RUNDC3A: variants seen among roughly 807,000 people sequenced by gnomAD.
The protein encoded by RUNDC3A is RUN domain containing 3A, also known as RUN domain-containing protein 3A.
Under a neutral mutation model 53.9 loss-of-function variants are expected in RUNDC3A, and 28 were observed. The observed-to-expected ratio is 0.52, with a 90% CI of 0.38 to 0.71. The LOEUF (loss-of-function observed/expected upper bound fraction) is 0.71. RUNDC3A is among the 30% of genes least tolerant of loss of function. The probability of loss-of-function intolerance (pLI) is 0.00; values close to 1 mark genes in which losing one functional copy is unlikely to be tolerated. For missense variants in RUNDC3A, 491 were observed against 597.3 expected (o/e 0.82, Z 1.85); for synonymous variants, 232 against 249.4 (o/e 0.93, Z 0.66).
chr17:44,315,111 G>C lies in RUNDC3A; in HGVS notation c.630-44G>C. 6.3e-7 allele frequency: 1 copy of C among 1,599,124 alleles called. No individual in the cohort carries two copies. Among genetic ancestry groups the C allele is most frequent in the Non-Finnish European group, 8.5e-7 (1 of 1,172,586 alleles). On this transcript the variant is annotated intron_variant, in intron 6 of 10. Coordinates refer to ENST00000426726, the MANE Select transcript of RUNDC3A (RefSeq NM_001144825.2). The surrounding 1 kb of genome is among the most constrained non-coding windows in gnomAD (Gnocchi z 6.1). ...CTCAGCGGCCAGCGCAGACGCGCGG[G>C]GGGAGGGGCGGGACCGGCCGTGCCC... is the stretch of plus-strand genomic sequence containing the variant.
intron 4 of RUNDC3A, 60 bp from the exon 5 acceptor site, chr17:44,314,675 G>GC: frequency 7.7e-6 from 1 of 129,354 alleles, no homozygotes; most frequent in African/African-American, 1.3e-4. Flanking sequence ...TAGCAGCTCT[G>GC]GGGGGGGGGG....
intron 10 of RUNDC3A, chr17:44,317,079 C>T (rs1257182616): frequency 1.0e-5 from 4 of 390,440 alleles, no homozygotes; most frequent in Non-Finnish European, 1.4e-5. Flanking sequence ...CTCCTGACCT[C>T]AAGTGATTCA....
chr17:44,318,431 C>A lies in RUNDC3A; in HGVS notation c.*193C>A. 1 of 660,318 alleles carries A rather than the reference C, an allele frequency of 1.5e-6. No homozygotes were observed. Among genetic ancestry groups the A allele is most frequent in the Non-Finnish European group, 2.5e-6 (1 of 399,702 alleles). 40.9% of individuals were successfully genotyped at this position (660,318 alleles called of 1,614,324 possible). A position where few individuals can be genotyped will look rare whatever the true frequency, so the allele number is the denominator to read the frequency against. ...GCAGCACGGGCTGCGGAAGAAAGCA[C>A]GCTGGGCCAGGAGGCAGGGGTGCCC... is the stretch of plus-strand genomic sequence containing the variant. On this transcript the variant is annotated 3_prime_UTR_variant, in exon 11 of 11. Coordinates refer to ENST00000426726, the MANE Select transcript of RUNDC3A (RefSeq NM_001144825.2).
chr17:44,317,216 T>G (rs975798903), intron 10 of RUNDC3A: 2 of 577,658 alleles, frequency 3.5e-6, no homozygotes, highest in African/African-American at 3.7e-5. Context: ...ACACAGCATA[T>G]GCAGAACCCA....
rs114349681 is a variant in RUNDC3A, at chr17:44,310,858, G to C, written c.108-1722G>C. 7.4e-5 allele frequency: 73 copies of C among 985,298 alleles called. No homozygotes were observed. In the African/African-American group the frequency reaches 1.2e-3, roughly 17 times the overall value. The allele number at this position is 985,298 out of a possible 1,614,324, so 61.0% of individuals were successfully genotyped here. On this transcript the variant is annotated intron_variant, in intron 1 of 10. Transcript: ENST00000426726. Reference sequence around the variant, plus strand: ...GGAAATCAAGCTGGCAGGAGGGTGCGCATAGTGAAGCTGGAATAATGCCCC... The same window carrying C: ...GGAAATCAAGCTGGCAGGAGGGTGCCCATAGTGAAGCTGGAATAATGCCCC...
At chr17:44,310,270 A>C (rs1267469115) in intron 1 of RUNDC3A, among the ~76,000 whole-genome samples, 4 of 152,312 alleles carry the variant, frequency 2.6e-5, no homozygotes, top group Admixed American at 2.0e-4. Flanking sequence ...TGTCACAGCC[A>C]CACCAAAGAA....
At chr17:44,314,155 G>A (rs1243426959) in intron 4 of RUNDC3A, 2 of 992,374 alleles carry the variant, frequency 2.0e-6, no homozygotes, top group East Asian at 2.2e-4. Context: ...TCCAAACAAC[G>A]AAAGCAGTTC....
chr17:44,316,305 C>T, intron 8 of RUNDC3A, 80 bp from the exon 9 acceptor site: 1 of 1,378,266 alleles, frequency 7.3e-7, no homozygotes, highest in Non-Finnish European at 1.0e-6. Context: ...ATTCCTGACC[C>T]CTCCCTCATC....
At position 44,313,198 on chromosome 17, in the gene RUNDC3A, C is replaced by G; in HGVS notation, c.318C>G (p.Asn106Lys). The G allele has an allele frequency of 3.1e-6, 5 of 1,614,038 alleles. No homozygotes were observed. The highest frequency in any genetic ancestry group is 4.2e-6 in the Non-Finnish European group (5 of 1,179,890). Residue 106 changes from asparagine (N) to lysine (K), a missense_variant, in exon 3 of 11, where the codon AAC (asparagine) becomes AAG (lysine). Asn to Lys is a moderately conservative substitution (Grantham distance 94, BLOSUM62 0). Around this residue, in one of 2 missense-constraint regions of RUNDC3A, gnomAD observed 273 missense variants for 389.0 expected, o/e 0.70. Transcript: ENST00000426726. ...GGCTGGCCTGCAGCAAAGTGCCCAA[C>G]AACTGTGTGAGCAGCATCGAGAACA... The part of the protein sequence containing the change: ...YIRLACSKVP[N>K]NCVSSIENME...
rs2047688358 is a variant in RUNDC3A, at chr17:44,308,677, G to C, written c.-156G>C. On this transcript the variant is annotated 5_prime_UTR_variant, in exon 1 of 11. Transcript: ENST00000426726. ...GCATCGCCGCCGGGGGAGGGAGCGA[G>C]GGGGCCGGGCACCGGGCGCAAAGGC... The C allele has an allele frequency of 6.4e-6, 3 of 467,636 alleles. No individual in the cohort carries two copies. The highest frequency in any genetic ancestry group is 1.1e-5 in the Non-Finnish European group (3 of 266,738). The allele number at this position is 467,636 out of a possible 1,614,324, so 29.0% of individuals were successfully genotyped here.
At position 44,313,410 on chromosome 17, in the gene RUNDC3A, A is replaced by T; in HGVS notation, c.373-8A>T. 6.2e-7 allele frequency: 1 copy of T among 1,613,886 alleles called. No homozygotes were observed. Among genetic ancestry groups the T allele is most frequent in the South Asian group, 1.1e-5 (1 of 91,076 alleles). Reference sequence around the variant, plus strand: ...GGGGCAGCAAGTAAAGGTGAACATGATTTCCAGGGCCGGGCATGGATCCGG... The same window carrying T: ...GGGGCAGCAAGTAAAGGTGAACATGTTTTCCAGGGCCGGGCATGGATCCGG... On this transcript the variant is annotated splice_polypyrimidine_tract_variant and splice_region_variant and intron_variant, in intron 3 of 10. Transcript: ENST00000426726.
In RUNDC3A at chr17:44,315,361, C is replaced by G. The variant is rs780880931; in HGVS notation, c.795+41C>G. The stretch of plus-strand genomic sequence containing the variant: ...GGGCCCGGGGGGCGGGCGGGCCGGG[C>G]GGGGGATCCGGGCATCCCGGGGCGG... On this transcript the variant is annotated intron_variant, in intron 7 of 10. Coordinates refer to ENST00000426726, the MANE Select transcript of RUNDC3A (RefSeq NM_001144825.2). The surrounding 1 kb of genome is among the most constrained non-coding windows in gnomAD (Gnocchi z 6.1). The G allele has an allele frequency of 2.0e-4, 115 of 564,286 alleles. No homozygotes were observed. The Middle Eastern group carries it at 3.2e-3, about 16-fold the overall frequency. 35.0% of individuals were successfully genotyped at this position (564,286 alleles called of 1,614,324 possible). A position where few individuals can be genotyped will look rare whatever the true frequency, so the allele number is the denominator to read the frequency against.
rs1341606212 is a variant in RUNDC3A, at chr17:44,318,133, C to T, written c.1236C>T (p.Gly412=). Residue 412 remains glycine, a synonymous_variant, in exon 11 of 11, where the codon GGC becomes GGT. Transcript: ENST00000426726. ...CGCCCTCCATGCTGGGCCTCTGCGGCTCCCTGGCCTCCATTCCCAGCTGCA... is the reference window on the plus strand; with the variant it reads ...CGCCCTCCATGCTGGGCCTCTGCGGTTCCCTGGCCTCCATTCCCAGCTGCA... ...DPTPSMLGLC[G]SLASIPSCKS... 3.2e-6 allele frequency: 5 copies of T among 1,551,556 alleles called. No individual in the cohort carries two copies. Among genetic ancestry groups the T allele is most frequent in the Non-Finnish European group, 4.4e-6 (5 of 1,146,992 alleles).
At chr17:44,311,852 C>T (rs2047752866) in intron 1 of RUNDC3A, among the ~76,000 whole-genome samples, 1 of 152,132 alleles carries the variant, frequency 6.6e-6, no homozygotes, top group Admixed American at 6.5e-5. Flanking sequence ...CAAGCCCCTT[C>T]CAGGGATCTG....
intron 1 of RUNDC3A, 120 bp from the exon 2 acceptor site, chr17:44,312,460 C>T (rs1009050123): frequency 9.3e-6 from 6 of 643,902 alleles, no homozygotes; most frequent in Non-Finnish European, 1.7e-5. Context: ...CGCTCTGCCC[C>T]CCACCACATC....
Position 44,315,044 on chromosome 17 carries a change from C to A in RUNDC3A, c.629+35C>A. 1.2e-6 allele frequency: 2 copies of A among 1,610,686 alleles called. No homozygotes were observed. The highest frequency in any genetic ancestry group is 1.7e-6 in the Non-Finnish European group (2 of 1,178,670). ...TCCATGACTGCGGCGGGGCGGGGGACGGGGCCTCGGGACATCCTGGGGACG... is the reference window on the plus strand; with the variant it reads ...TCCATGACTGCGGCGGGGCGGGGGAAGGGGCCTCGGGACATCCTGGGGACG... On this transcript the variant is annotated intron_variant, in intron 6 of 10. Coordinates refer to ENST00000426726, the MANE Select transcript of RUNDC3A (RefSeq NM_001144825.2). The surrounding 1 kb of genome is among the most constrained non-coding windows in gnomAD (Gnocchi z 6.1).
At chr17:44,314,689 C>A (rs75212265) in intron 4 of RUNDC3A, 46 bp from the exon 5 acceptor site, 5 of 948,910 alleles carry the variant, frequency 5.3e-6, no homozygotes, top group South Asian at 5.5e-5. Flanking sequence ...GGGGGGGGGG[C>A]GCTCCAGGGG....
At chr17:44,310,802 GC>G in intron 1 of RUNDC3A, 1 of 985,404 alleles carries the variant, frequency 1.0e-6, no homozygotes, top group Non-Finnish European at 1.2e-6. Flanking sequence ...CCCAGTCCAG[GC>G]CCCATCATGG....
chr17:44,313,677 TC>T, intron 4 of RUNDC3A, 174 bp downstream of exon 4: 10 of 1,141,584 alleles, frequency 8.8e-6, no homozygotes, highest in South Asian at 4.8e-5. Flanking sequence ...CAGGACGAAC[TC>T]TTTTTTTTTT....
Sources: allele counts gnomAD v4.1 joint callset (sites outside exome capture counted in the v4.1 genomes callset), GRCh38; gene constraint gnomAD v4.1.1; regional missense constraint gnomAD v4.1.1; non-coding constraint Gnocchi (gnomAD v3.1); transcripts MANE v1.5; gene names NCBI Gene and HGNC (gene_info 2026-07-23, HGNC 2026-07-21).